Variants in EIPR1 observed in about 807,000 individuals in gnomAD.
EIPR1 encodes the protein EARP and GARP complex-interacting protein 1.
Under a neutral mutation model 48.1 loss-of-function variants are expected in EIPR1, and 25 were observed. That is an observed-to-expected ratio of 0.52 (90% confidence interval 0.38 to 0.73). The LOEUF is 0.73. Ranked by LOEUF, EIPR1 falls within the 30% of genes least tolerant of loss-of-function variation. EIPR1 has a pLI of 0.00. For missense variants in EIPR1, 415 were observed against 506.2 expected (o/e 0.82, Z 1.73); for synonymous variants, 204 against 201.9 (o/e 1.01, Z -0.09).
intron 1 of EIPR1, among the ~76,000 whole-genome samples, chr2:3,370,562 A>G (rs1019745532): frequency 9.5e-4 from 145 of 152,348 alleles, no homozygotes; most frequent in African/African-American, 3.1e-3. Flanking sequence ...TGGAGCTGAA[A>G]GCCAAGGCTC....
At chr2:3,264,221 T>C (rs1667420604) in intron 3 of EIPR1, among the ~76,000 whole-genome samples, 1 of 152,228 alleles carries the variant, frequency 6.6e-6, no homozygotes, top group African/African-American at 2.4e-5. Flanking sequence ...ATTCTGCATG[T>C]AAGTGAGATT....
In EIPR1 at chr2:3,271,109, G is replaced by A. The variant is rs143413052; in HGVS notation, c.260-13654C>T. ...TTAAGAAGCAATTTCTCATCCATTC[G>A]AGATTGATCATGAGATTGTAGCAAT... is the stretch of plus-strand genomic sequence containing the variant. On this transcript the variant is annotated intron_variant, in intron 3 of 8. Coordinates refer to ENST00000382125, the MANE Select transcript of EIPR1 (RefSeq NM_003310.5). Among the ~76,000 whole-genome samples, 21 of 152,186 alleles carry A rather than the reference G, an allele frequency of 1.4e-4. No individual in the cohort carries two copies. In the South Asian group the frequency reaches 1.5e-3, roughly 11 times the overall value.
chr2:3,283,370 C>G (rs932218816), intron 3 of EIPR1, among the ~76,000 whole-genome samples: 3 of 152,230 alleles, frequency 2.0e-5, no homozygotes, highest in African/African-American at 7.2e-5. Context: ...TGCGAACCAC[C>G]AGGCCCACCT....
At position 3,208,705 on chromosome 2, in the gene EIPR1, C is replaced by CG. The variant is rs1665322056; in HGVS notation, c.516+5443dup. ...CCCAATTCCCCCAGGAAACACTCGGCGGGTCCTTCTTCCATGCGTGAGGCT... is the reference window on the plus strand; with the variant it reads ...CCCAATTCCCCCAGGAAACACTCGGCGGGGTCCTTCTTCCATGCGTGAGGCT... On this transcript the variant is annotated intron_variant, in intron 5 of 8. Transcript: ENST00000382125. 9.0e-6 allele frequency: 14 copies of CG among 1,550,142 alleles called. No homozygotes were observed. In the East Asian group the frequency reaches 3.4e-4, roughly 38 times the overall value.
In EIPR1 at chr2:3,213,647, C is replaced by T. The variant is rs149427090; in HGVS notation, c.516+502G>A. Among the ~76,000 whole-genome samples the T allele has an allele frequency of 3.7e-3, 559 of 152,276 alleles. 2 individuals are homozygous for T. The highest frequency in any genetic ancestry group is 0.01 in the Middle Eastern group (3 of 294). ...CTCCTTTGCTCAAAGTGCAGCAAAA[C>T]GCAGATGTTTTGCAAGCCACTGGGT... is the stretch of plus-strand genomic sequence containing the variant. On this transcript the variant is annotated intron_variant, in intron 5 of 8. Transcript: ENST00000382125.
At chr2:3,334,059 G>C (rs1458086206) in intron 3 of EIPR1, among the ~76,000 whole-genome samples, 1 of 152,166 alleles carries the variant, frequency 6.6e-6, no homozygotes, top group African/African-American at 2.4e-5. Context: ...GGCTACAAAA[G>C]AGCAACAACA....
intron 3 of EIPR1, among the ~76,000 whole-genome samples, chr2:3,337,631 G>A (rs1026208112): frequency 6.6e-6 from 1 of 152,126 alleles, no homozygotes; most frequent in African/African-American, 2.4e-5. Flanking sequence ...TGTGTGCATG[G>A]AACTGCTCTT....
intron 4 of EIPR1, among the ~76,000 whole-genome samples, chr2:3,218,799 C>T (rs1189113772): frequency 6.6e-6 from 1 of 151,034 alleles, no homozygotes; most frequent in Non-Finnish European, 1.5e-5. Context: ...CAGGTGCACA[C>T]CCAACACGGC....
At chr2:3,197,466 C>G (rs867694670) in intron 5 of EIPR1, among the ~76,000 whole-genome samples, 1 of 152,198 alleles carries the variant, frequency 6.6e-6, no homozygotes, top group Non-Finnish European at 1.5e-5. Context: ...CCCTCCGTCT[C>G]GAGGCCCACA....
chr2:3,252,579 C>A (rs986302762), intron 4 of EIPR1, among the ~76,000 whole-genome samples: 1 of 151,994 alleles, frequency 6.6e-6, no homozygotes, highest in African/African-American at 2.4e-5. Flanking sequence ...TGACAGAGGG[C>A]GATTCCATCT....
At position 3,312,974 on chromosome 2, in the gene EIPR1, T is replaced by C. The variant is rs1390517415; in HGVS notation, c.259+25043A>G. On this transcript the variant is annotated intron_variant, in intron 3 of 8. Transcript: ENST00000382125. This position sits in a 1 kb window ranked among gnomAD's most constrained non-coding sequence, Gnocchi z 5.5. ...GAAATTCAAGTTTAACAGGATATCC[T>C]GTGTTTTATCTGACAACCCTACTTC... 6.6e-6 allele frequency among the ~76,000 whole-genome samples: 1 copy of C among 152,234 alleles called. No homozygotes were observed. The highest frequency in any genetic ancestry group is 1.5e-5 in the Non-Finnish European group (1 of 68,040).
intron 4 of EIPR1, among the ~76,000 whole-genome samples, chr2:3,243,786 G>C (rs960501425): frequency 2.6e-5 from 4 of 152,188 alleles, no homozygotes; most frequent in Admixed American, 6.5e-5. Flanking sequence ...TCCTCTGGTG[G>C]GAAATGGGCC....
At chr2:3,257,226 G>C (rs1667184847) in intron 4 of EIPR1, 73 bp downstream of exon 4, 1 of 1,490,504 alleles carries the variant, frequency 6.7e-7, no homozygotes, top group Middle Eastern at 2.0e-4. Context: ...TCCTGCAAAG[G>C]AATCTGCACA....
At chr2:3,341,685 G>A (rs548013915) in intron 2 of EIPR1, among the ~76,000 whole-genome samples, 12 of 151,560 alleles carry the variant, frequency 7.9e-5, no homozygotes, top group Admixed American at 2.0e-4. Flanking sequence ...AGGTGCAGGC[G>A]TGTGGGAGGT....
intron 3 of EIPR1, chr2:3,261,875 C>T (rs74760083): frequency 2.6e-5 from 4 of 152,214 alleles, no homozygotes; most frequent in Non-Finnish European, 5.9e-5. Context: ...AAACTGCCTC[C>T]CCGTCCCAAC....
intron 3 of EIPR1, among the ~76,000 whole-genome samples, chr2:3,298,936 C>T (rs1306535044): frequency 6.6e-6 from 1 of 152,148 alleles, no homozygotes. Flanking sequence ...TAACTTCTCC[C>T]TTACCTACCC....
intron 4 of EIPR1, among the ~76,000 whole-genome samples, chr2:3,219,356 T>C (rs1016473285): frequency 6.7e-6 from 1 of 148,312 alleles, no homozygotes; most frequent in African/African-American, 2.5e-5. Context: ...GCATTCACAG[T>C]GACTCAGGTG....
At chr2:3,218,057 G>C (rs951488196) in intron 4 of EIPR1, among the ~76,000 whole-genome samples, 1 of 152,138 alleles carries the variant, frequency 6.6e-6, no homozygotes, top group Non-Finnish European at 1.5e-5. Context: ...CATTCACAGT[G>C]AGTCAGGTGC....
At chr2:3,264,797 C>A (rs1343903391) in intron 3 of EIPR1, among the ~76,000 whole-genome samples, 1 of 152,210 alleles carries the variant, frequency 6.6e-6, no homozygotes, top group Non-Finnish European at 1.5e-5. Flanking sequence ...AAGCGATTCT[C>A]CTGCCTCAGC....
Sources: allele counts gnomAD v4.1 joint callset (sites outside exome capture counted in the v4.1 genomes callset), GRCh38; gene constraint gnomAD v4.1.1; non-coding constraint Gnocchi (gnomAD v3.1); transcripts MANE v1.5; gene names NCBI Gene and HGNC (gene_info 2026-07-23, HGNC 2026-07-21).